DAB1: variants seen among roughly 807,000 people sequenced by gnomAD.
DAB1 encodes the protein disabled homolog 1.
In DAB1, 15 loss-of-function variants were observed where a neutral mutation model predicts 64.6. The ratio of observed to expected loss-of-function variants is 0.23; its 90% CI spans 0.16 to 0.36. The LOEUF (loss-of-function observed/expected upper bound fraction) is 0.36, where lower values mean the gene tolerates loss of function less well. DAB1 is among the 10% of genes least tolerant of loss of function. DAB1 has a pLI of 1.00. For synonymous variants in DAB1, 235 were observed against 251.9 expected, an observed-to-expected ratio of 0.93 and a Z score of 0.64; for missense variants, 596 against 706.7, an observed-to-expected ratio of 0.84 and a Z score of 1.78.
At chr1:58,249,381 G>A (rs1405009335) in intron 4 of DAB1, among the ~76,000 whole-genome samples, 3 of 152,000 alleles carry the variant, frequency 2.0e-5, no homozygotes, top group East Asian at 2.0e-4. Flanking sequence ...AGAGAGCCGG[G>A]CATAATTATT....
intron 7 of DAB1, among the ~76,000 whole-genome samples, chr1:57,503,912 G>A (rs1443125066): frequency 6.6e-6 from 1 of 152,168 alleles, no homozygotes; most frequent in Non-Finnish European, 1.5e-5. Context: ...TTGCAGGGGG[G>A]TCTTATCGTA....
chr1:57,218,434 C>T (rs1666587776), intron 2 of DAB1, among the ~76,000 whole-genome samples: 1 of 141,636 alleles, frequency 7.1e-6, no homozygotes, highest in Non-Finnish European at 1.5e-5. Flanking sequence ...CAATCCCAAA[C>T]TTTGGGAAGC....
At chr1:58,069,189 C>T (rs1316171468) in intron 5 of DAB1, among the ~76,000 whole-genome samples, 4 of 152,216 alleles carry the variant, frequency 2.6e-5, no homozygotes, top group African/African-American at 9.7e-5. Context: ...CATTCACTCA[C>T]TAAATTATCC....
At chr1:58,481,174 C>A in intron 3 of DAB1, 1 of 811,280 alleles carries the variant, frequency 1.2e-6, no homozygotes, top group Non-Finnish European at 2.1e-6. Flanking sequence ...ATTTTGAGAG[C>A]CTATAAAGAA....
At chr1:58,162,423 T>C (rs937934711) in intron 4 of DAB1, among the ~76,000 whole-genome samples, 1 of 152,160 alleles carries the variant, frequency 6.6e-6, no homozygotes, top group Non-Finnish European at 1.5e-5. Context: ...TTTAAATAAG[T>C]ATAATTACAT....
intron 1 of DAB1, among the ~76,000 whole-genome samples, chr1:57,407,813 T>C (rs1227381572): frequency 1.3e-5 from 2 of 151,074 alleles, no homozygotes; most frequent in Non-Finnish European, 2.9e-5. Context: ...TGTGTGTTTG[T>C]ACATATATGA....
At chr1:57,552,719 C>G (rs1319645458) in intron 7 of DAB1, among the ~76,000 whole-genome samples, 1 of 152,106 alleles carries the variant, frequency 6.6e-6, no homozygotes, top group African/African-American at 2.4e-5. Flanking sequence ...GGACAGTTAG[C>G]TAAGAGGCAA....
chr1:58,431,902 A>G lies in DAB1; in HGVS notation n.257+74158T>C, dbSNP rs911365590. Among the ~76,000 whole-genome samples, 6 of 152,182 alleles carry G rather than the reference A, an allele frequency of 3.9e-5. 1 individual carries two copies. Among genetic ancestry groups the G allele is most frequent in the Non-Finnish European group, 7.3e-5 (5 of 68,034 alleles). On this transcript the variant is annotated intron_variant and non_coding_transcript_variant, in intron 3 of 20. Transcript: ENST00000485760. ...ACTCCAGGCTGAGAACTCAGAGGAA[A>G]GCGTGACCACTTTAGGAGGATTTGA...
chr1:58,091,598 C>A (rs1650658452), intron 5 of DAB1, among the ~76,000 whole-genome samples: 1 of 152,148 alleles, frequency 6.6e-6, no homozygotes, highest in African/African-American at 2.4e-5. Context: ...GACATGAGAT[C>A]CATCAATGTG....
In DAB1 at chr1:56,995,814, G is replaced by C. The variant is rs1317187724; in HGVS notation, c.*2330C>G. ...TTACCAAATCCCCAGAAAACAAACT[G>C]GTCTCAGGCCAACTCTTATGGTCAT... On this transcript the variant is annotated 3_prime_UTR_variant, in exon 15 of 15. Coordinates refer to ENST00000371236, the MANE Select transcript of DAB1 (RefSeq NM_001365792.1). The C allele has an allele frequency of 6.6e-6, 1 of 152,116 alleles. No homozygotes were observed. The highest frequency in any genetic ancestry group is 1.5e-5 in the Non-Finnish European group (1 of 68,028). 9.4% of individuals were successfully genotyped at this position (152,116 alleles called of 1,614,324 possible). A position where few individuals can be genotyped will look rare whatever the true frequency, so the allele number is the denominator to read the frequency against.
rs548285614 is a variant in DAB1, at chr1:58,056,559, C to G, written n.387+93952G>C. On this transcript the variant is annotated intron_variant and non_coding_transcript_variant, in intron 5 of 20. Transcript: ENST00000485760. The stretch of plus-strand genomic sequence containing the variant: ...TCACCTTGCTCATCACAACCTAACT[C>G]CCCCATTTTCTGGCTCTCAGGCTCT... 6.2e-6 allele frequency: 5 copies of G among 804,766 alleles called. No individual in the cohort carries two copies. The East Asian group carries it at 1.2e-4, about 20-fold the overall frequency. 49.9% of individuals were successfully genotyped at this position (804,766 alleles called of 1,614,324 possible).
intron 5 of DAB1, among the ~76,000 whole-genome samples, chr1:58,102,376 AG>A (rs1651375821): frequency 3.3e-5 from 5 of 152,180 alleles, no homozygotes; most frequent in Admixed American, 1.3e-4. Context: ...GAGAGCACTT[AG>A]TTCTCTAGAG....
At chr1:57,977,391 A>C (rs1645945617) in intron 5 of DAB1, among the ~76,000 whole-genome samples, 1 of 152,188 alleles carries the variant, frequency 6.6e-6, no homozygotes, top group African/African-American at 2.4e-5. Flanking sequence ...AGAGGAAGAA[A>C]ATAATAGACT....
intron 5 of DAB1, among the ~76,000 whole-genome samples, chr1:58,109,732 G>T (rs1460992903): frequency 6.6e-6 from 1 of 151,712 alleles, no homozygotes; most frequent in Non-Finnish European, 1.5e-5. Context: ...CAAGAAGTGG[G>T]GTACTTCTCC....
At chr1:57,845,993 A>C (rs536595189) in intron 1 of DAB1, among the ~76,000 whole-genome samples, 2 of 152,292 alleles carry the variant, frequency 1.3e-5, no homozygotes, top group South Asian at 4.1e-4. Context: ...ATATAAATGA[A>C]GATGCTGTCT....
At chr1:57,678,978 AGC>A (rs1206119096) in intron 6 of DAB1, among the ~76,000 whole-genome samples, 3 of 151,540 alleles carry the variant, frequency 2.0e-5, no homozygotes, top group African/African-American at 7.3e-5. Context: ...TCACTGTGTT[AGC>A]CAGGAAGGTC....
chr1:57,716,708 G>A (rs1647088318), intron 6 of DAB1, among the ~76,000 whole-genome samples: 1 of 152,008 alleles, frequency 6.6e-6, no homozygotes. Context: ...AAAAGCAAAG[G>A]CAACAAAAGC....
At chr1:57,561,035 G>A (rs966159703) in intron 7 of DAB1, among the ~76,000 whole-genome samples, 17 of 152,176 alleles carry the variant, frequency 1.1e-4, no homozygotes, top group Non-Finnish European at 1.8e-4. Context: ...AAATGGAAGT[G>A]GTATGTATGT....
At chr1:58,544,121 T>C (rs1646664955) in intron 1 of DAB1, among the ~76,000 whole-genome samples, 1 of 152,228 alleles carries the variant, frequency 6.6e-6, no homozygotes, top group African/African-American at 2.4e-5. Context: ...GGCCAAATGA[T>C]TCAAAACTTT....
Sources: allele counts gnomAD v4.1 joint callset (sites outside exome capture counted in the v4.1 genomes callset), GRCh38; gene constraint gnomAD v4.1.1; transcripts MANE v1.5; gene names NCBI Gene and HGNC (gene_info 2026-07-23, HGNC 2026-07-21).